The following SORCS1 variants were observed in gnomAD, a reference collection of about 807,000 sequenced individuals.
The protein encoded by SORCS1 is sortilin related VPS10 domain containing receptor 1, also known as VPS10 domain-containing receptor SorCS1.
In SORCS1, 60 loss-of-function variants were observed where a neutral mutation model predicts 146.1. The ratio of observed to expected loss-of-function variants is 0.41; its 90% CI spans 0.33 to 0.51. The LOEUF (loss-of-function observed/expected upper bound fraction) is 0.51, where lower values mean the gene tolerates loss of function less well. Among genes scored for constraint, SORCS1 ranks in the 20% least tolerant of loss-of-function variants. The probability of loss-of-function intolerance (pLI) is 0.21; values close to 1 mark genes in which losing one functional copy is unlikely to be tolerated. For missense variants in SORCS1, 1,352 were observed against 1,487.6 expected, an observed-to-expected ratio of 0.91 and a Z score of 1.50; for synonymous variants, 637 against 584.0, an observed-to-expected ratio of 1.09 and a Z score of -1.31.
At chr10:106,815,712 A>G (rs952158461) in intron 3 of SORCS1, among the ~76,000 whole-genome samples, 1 of 152,188 alleles carries the variant, frequency 6.6e-6, no homozygotes, top group African/African-American at 2.4e-5. Context: ...GCCCTCATAC[A>G]AGTATAATCT....
chr10:106,807,690 A>C (rs575910150), intron 3 of SORCS1, among the ~76,000 whole-genome samples: 3 of 152,232 alleles, frequency 2.0e-5, no homozygotes, highest in Non-Finnish European at 2.9e-5. Flanking sequence ...GGTAGTTTAT[A>C]ACAAAAGCCT....
In SORCS1 at chr10:106,995,183, G is replaced by A. The variant is rs548696699; in HGVS notation, c.559-38603C>T. 5.7e-4 allele frequency among the ~76,000 whole-genome samples: 87 copies of A among 151,930 alleles called. 2 individuals are homozygous for A. In the South Asian group the frequency reaches 0.017, roughly 29 times the overall value. On this transcript the variant is annotated intron_variant, in intron 1 of 25. Coordinates refer to ENST00000263054, the MANE Select transcript of SORCS1 (RefSeq NM_052918.5). ...CAAAAAATTAGCTGGGCGTGGTGGC[G>A]GGCGCCTGTAGTCCCAGCTACTCGG...
At chr10:107,143,634 G>T (rs536722724) in intron 1 of SORCS1, among the ~76,000 whole-genome samples, 1 of 152,128 alleles carries the variant, frequency 6.6e-6, no homozygotes, top group Non-Finnish European at 1.5e-5. Context: ...CTCCTGAGTA[G>T]CTGGGATTAC....
rs1844549792 is a variant in SORCS1, at chr10:106,575,749, C to G, written c.*1671G>C. 6.6e-6 allele frequency: 1 copy of G among 152,634 alleles called. No individual in the cohort carries two copies. The highest frequency in any genetic ancestry group is 1.5e-5 in the Non-Finnish European group (1 of 68,054). 9.5% of individuals were successfully genotyped at this position (152,634 alleles called of 1,614,324 possible). A position where few individuals can be genotyped will look rare whatever the true frequency, so the allele number is the denominator to read the frequency against. ...TGGGATCATCCTAAATAATCAAACT[C>G]TCACCCTAATGTAAGACAAGACCCC... is the stretch of plus-strand genomic sequence containing the variant. On this transcript the variant is annotated 3_prime_UTR_variant, in exon 26 of 26. Transcript: ENST00000263054.
intron 16 of SORCS1, 30 bp downstream of exon 16, chr10:106,671,207 T>C (rs780042067): frequency 1.9e-6 from 3 of 1,613,500 alleles, no homozygotes; most frequent in Non-Finnish European, 2.5e-6. Flanking sequence ...ATACACCAAA[T>C]GGCTCCAGGA....
chr10:106,678,661 G>T (rs1260684634), intron 12 of SORCS1, among the ~76,000 whole-genome samples: 1 of 152,072 alleles, frequency 6.6e-6, no homozygotes, highest in Non-Finnish European at 1.5e-5. Flanking sequence ...GTAAGCTATG[G>T]GTATCTAATT....
At chr10:106,631,018 C>A (rs1302954307) in intron 18 of SORCS1, among the ~76,000 whole-genome samples, 1 of 152,104 alleles carries the variant, frequency 6.6e-6, no homozygotes, top group Non-Finnish European at 1.5e-5. Flanking sequence ...AAAACAAAAA[C>A]CTTTGAACTA....
At chr10:106,896,549 T>C (rs574923214) in intron 2 of SORCS1, among the ~76,000 whole-genome samples, 1 of 152,200 alleles carries the variant, frequency 6.6e-6, no homozygotes, top group Admixed American at 6.5e-5. Context: ...TGAAAATTTT[T>C]TTAAGATCTG....
chr10:106,778,076 A>G (rs914905637), intron 3 of SORCS1, among the ~76,000 whole-genome samples: 1 of 152,166 alleles, frequency 6.6e-6, no homozygotes, highest in Non-Finnish European at 1.5e-5. Flanking sequence ...TTTGGAGGCA[A>G]TCATATTAAA....
intron 1 of SORCS1, among the ~76,000 whole-genome samples, chr10:106,981,907 C>T (rs532143227): frequency 6.6e-6 from 1 of 152,280 alleles, no homozygotes; most frequent in African/African-American, 2.4e-5. Flanking sequence ...CTAAGAGAAG[C>T]CCACGAAATA....
At chr10:107,116,828 T>C (rs999905537) in intron 1 of SORCS1, among the ~76,000 whole-genome samples, 6 of 152,230 alleles carry the variant, frequency 3.9e-5, no homozygotes, top group Admixed American at 3.9e-4. Flanking sequence ...GTATATATGA[T>C]TTTTATTTGC....
chr10:106,884,558 G>C (rs1950925002), intron 2 of SORCS1, among the ~76,000 whole-genome samples: 1 of 152,056 alleles, frequency 6.6e-6, no homozygotes, highest in Non-Finnish European at 1.5e-5. Flanking sequence ...GCTTAAAGCA[G>C]AGCTTCACTT....
intron 1 of SORCS1, among the ~76,000 whole-genome samples, chr10:107,065,439 C>CTT (rs1961686598): frequency 6.8e-6 from 1 of 147,466 alleles, no homozygotes; most frequent in Non-Finnish European, 1.5e-5. Context: ...TTCTTTCTTT[C>CTT]TTTCTTTCTT....
At chr10:106,612,269 C>A (rs1589470318) in intron 21 of SORCS1, among the ~76,000 whole-genome samples, 1 of 152,048 alleles carries the variant, frequency 6.6e-6, no homozygotes, top group East Asian at 1.9e-4. Flanking sequence ...AGAAGCTCCC[C>A]TGTATAGAGA....
rs1564838013 is a variant in SORCS1 at position 106,944,871 on chromosome 10, C to CTTTTT, written c.626+11641_626+11642insAAAAA. Among the ~76,000 whole-genome samples, 133 of 61,006 alleles carry CTTTTT rather than the reference C, an allele frequency of 2.2e-3. 14 individuals are homozygous for CTTTTT. Among genetic ancestry groups the CTTTTT allele is most frequent in the African/African-American group, 5.4e-3 (120 of 22,372 alleles). The allele number at this position is 61,006 out of a possible 152,430, so 40.0% of individuals were successfully genotyped here. ...ATGGTAGAAAGAAGCAAGAAAGAGC[C>CTTTTT]TTCTTTTTTTTTTTTTTTTTTTTTT... On this transcript the variant is annotated intron_variant, in intron 2 of 25. Transcript: ENST00000263054.
chr10:106,966,516 T>C (rs1032866992), intron 1 of SORCS1, among the ~76,000 whole-genome samples: 6 of 152,206 alleles, frequency 3.9e-5, no homozygotes, highest in Non-Finnish European at 8.8e-5. Context: ...TAAAATCCTC[T>C]GCATGGCACT....
intron 1 of SORCS1, among the ~76,000 whole-genome samples, chr10:107,010,666 C>A (rs1398923446): frequency 7.1e-6 from 1 of 141,528 alleles, no homozygotes; most frequent in Non-Finnish European, 1.5e-5. Context: ...GCTGATTGAA[C>A]AACTGAGCTA....
chr10:106,963,595 G>A (rs1955362934), intron 1 of SORCS1, among the ~76,000 whole-genome samples: 1 of 151,696 alleles, frequency 6.6e-6, no homozygotes, highest in African/African-American at 2.4e-5. Context: ...AATCCTTTAA[G>A]AATATAATCT....
intron 1 of SORCS1, among the ~76,000 whole-genome samples, chr10:107,103,031 T>C (rs1292013611): frequency 6.6e-6 from 1 of 152,166 alleles, no homozygotes; most frequent in Non-Finnish European, 1.5e-5. Flanking sequence ...CCCCCATACC[T>C]TTCTCCTTCC....
Sources: gnomAD v4.1 joint callset for allele counts (sites outside exome capture counted in the v4.1 genomes callset) on GRCh38, gnomAD v4.1.1 for gene constraint, MANE v1.5 for transcripts, NCBI Gene and HGNC (gene_info 2026-07-23, HGNC 2026-07-21) for gene names.